Variants in HAO1 observed in about 807,000 individuals in gnomAD.
HAO1 encodes 2-Hydroxyacid oxidase 1.
HAO1 carries 34 observed loss-of-function variants against 39.7 expected under a neutral mutation model. That is an observed-to-expected ratio of 0.86 (90% CI 0.65 to 1.14). The LOEUF (loss-of-function observed/expected upper bound fraction) is 1.14. Ranked by LOEUF, HAO1 falls within the 50% of genes most tolerant of loss-of-function variation. HAO1 has a pLI of 0.00. For synonymous variants in HAO1, 172 were observed against 173.2 expected (o/e 0.99, Z 0.05); for missense variants, 479 against 464.5 (o/e 1.03, Z -0.29).
intron 2 of HAO1, among the ~76,000 whole-genome samples, chr20:7,929,806 G>A (rs1485390052): frequency 6.6e-6 from 1 of 152,158 alleles, no homozygotes; most frequent in Non-Finnish European, 1.5e-5. Flanking sequence ...AGAGGTTGCA[G>A]TGAGCTGAGA....
chr20:7,929,850 A>G (rs2122795167), intron 2 of HAO1, among the ~76,000 whole-genome samples: 1 of 152,082 alleles, frequency 6.6e-6, no homozygotes, highest in Admixed American at 6.5e-5. Context: ...GTGACAGAGC[A>G]AGACTCTGTC....
chr20:7,915,425 AAAG>A (rs1241492599), intron 2 of HAO1, among the ~76,000 whole-genome samples: 5 of 152,160 alleles, frequency 3.3e-5, no homozygotes, highest in African/African-American at 4.8e-5. Context: ...CTGCTAAGAA[AAAG>A]AAGAATTCTG....
chr20:7,918,850 A>G (rs2050318603), intron 2 of HAO1, among the ~76,000 whole-genome samples: 1 of 152,232 alleles, frequency 6.6e-6, no homozygotes, highest in Admixed American at 6.5e-5. Context: ...ATCCTAGCCT[A>G]TGGCTTGAAA....
chr20:7,911,147 G>T (rs781399512), intron 3 of HAO1, among the ~76,000 whole-genome samples: 1 of 152,172 alleles, frequency 6.6e-6, no homozygotes, highest in Non-Finnish European at 1.5e-5. Context: ...TGAGTGCTAC[G>T]CAGTGAGGCA....
chr20:7,924,292 G>A (rs1221309109), intron 2 of HAO1, among the ~76,000 whole-genome samples: 1 of 152,022 alleles, frequency 6.6e-6, no homozygotes, highest in African/African-American at 2.4e-5. Context: ...AGAAGCAGAA[G>A]TGAATAATAA....
At chr20:7,910,231 C>T (rs182088556) in intron 3 of HAO1, among the ~76,000 whole-genome samples, 34 of 151,942 alleles carry the variant, frequency 2.2e-4, no homozygotes, top group African/African-American at 8.2e-4. Context: ...TATACAAAGC[C>T]AAGAAAAAAG....
chr20:7,900,358 G>A (rs2050216165), intron 4 of HAO1, among the ~76,000 whole-genome samples: 1 of 152,082 alleles, frequency 6.6e-6, no homozygotes, highest in Non-Finnish European at 1.5e-5. Context: ...TTAGCAGCAA[G>A]GTATTTTTAA....
intron 2 of HAO1, among the ~76,000 whole-genome samples, chr20:7,925,350 A>G (rs1207957094): frequency 6.6e-6 from 1 of 152,140 alleles, no homozygotes; most frequent in Non-Finnish European, 1.5e-5. Context: ...ATCCGGAGCT[A>G]TATAATCTTG....
At chr20:7,900,970 A>G (rs956512346) in intron 4 of HAO1, among the ~76,000 whole-genome samples, 2 of 152,202 alleles carry the variant, frequency 1.3e-5, no homozygotes, top group Non-Finnish European at 2.9e-5. Flanking sequence ...TATTGCTGAT[A>G]GGGAGAAAGT....
At chr20:7,916,350 G>T (rs947683877) in intron 2 of HAO1, among the ~76,000 whole-genome samples, 2 of 152,136 alleles carry the variant, frequency 1.3e-5, no homozygotes, top group East Asian at 1.9e-4. Flanking sequence ...ACTCATCTGT[G>T]TGCCTACCAT....
intron 2 of HAO1, among the ~76,000 whole-genome samples, chr20:7,916,260 C>A (rs1052992252): frequency 1.1e-4 from 16 of 152,054 alleles, no homozygotes; most frequent in Non-Finnish European, 2.2e-4. Flanking sequence ...ACAGTCAAAT[C>A]TGTTATAAAG....
chr20:7,915,454 C>T (rs2050302458), intron 2 of HAO1, among the ~76,000 whole-genome samples: 1 of 152,170 alleles, frequency 6.6e-6, no homozygotes, highest in Non-Finnish European at 1.5e-5. Flanking sequence ...AGCCTGCCTT[C>T]AGACTGGAAC....
At chr20:7,904,353 C>A (rs7267272) in intron 4 of HAO1, among the ~76,000 whole-genome samples, 1 of 152,194 alleles carries the variant, frequency 6.6e-6, no homozygotes, top group East Asian at 1.9e-4. Context: ...AGCATGATTT[C>A]TGTAAAATGC....
intron 3 of HAO1, 119 bp downstream of exon 3, chr20:7,914,045 G>T: frequency 9.6e-7 from 1 of 1,041,040 alleles, no homozygotes; most frequent in Non-Finnish European, 1.4e-6. Flanking sequence ...CAAAAGGGAT[G>T]TGATTAGCTG....
At chr20:7,884,650 A>G (rs1017872772) in intron 7 of HAO1, among the ~76,000 whole-genome samples, 1 of 152,200 alleles carries the variant, frequency 6.6e-6, no homozygotes, top group Non-Finnish European at 1.5e-5. Flanking sequence ...AAGGGACATC[A>G]TGGAGGCAAA....
At chr20:7,926,303 C>T (rs1433987855) in intron 2 of HAO1, among the ~76,000 whole-genome samples, 1 of 151,990 alleles carries the variant, frequency 6.6e-6, no homozygotes, top group Non-Finnish European at 1.5e-5. Context: ...AACGTAAAGT[C>T]CAAGCATTGC....
chr20:7,924,223 G>GTTGTTGT (rs141089245), intron 2 of HAO1, among the ~76,000 whole-genome samples: 13 of 149,846 alleles, frequency 8.7e-5, no homozygotes, highest in Non-Finnish European at 1.9e-4. Flanking sequence ...TGTTGTTGTT[G>GTTGTTGT]TTGTTTGTTT....
intron 2 of HAO1, among the ~76,000 whole-genome samples, chr20:7,932,927 A>G (rs1356273529): frequency 2.0e-5 from 3 of 152,274 alleles, no homozygotes; most frequent in Admixed American, 1.3e-4. Context: ...ATTATTTTCT[A>G]GGAAGATTAT....
chr20:7,918,124 C>T (rs1050111103), intron 2 of HAO1, among the ~76,000 whole-genome samples: 2 of 152,140 alleles, frequency 1.3e-5, no homozygotes, highest in Non-Finnish European at 2.9e-5. Flanking sequence ...AGAGTCTGTG[C>T]TAAGGTATTA....
Sources: gnomAD v4.1 joint callset for allele counts (sites outside exome capture counted in the v4.1 genomes callset) on GRCh38, gnomAD v4.1.1 for gene constraint, MANE v1.5 for transcripts, NCBI Gene and HGNC (gene_info 2026-07-23, HGNC 2026-07-21) for gene names.